GALNT17: variants seen among roughly 807,000 people sequenced by gnomAD.
GALNT17 encodes the protein UDP-GalNAc:polypeptide N-acetylgalactosaminyltransferase-like 3.
GALNT17 carries 29 observed loss-of-function variants against 63.7 expected under a neutral mutation model. The observed-to-expected ratio is 0.46, with a 90% CI of 0.34 to 0.62. GALNT17 has a LOEUF of 0.62. Ranked by LOEUF, GALNT17 falls within the 20% of genes least tolerant of loss-of-function variation. The probability of loss-of-function intolerance (pLI) is 0.01; values close to 1 mark genes in which losing one functional copy is unlikely to be tolerated. For synonymous variants in GALNT17, 305 were observed against 318.3 expected (o/e 0.96, Z 0.45); for missense variants, 603 against 799.6 (o/e 0.75, Z 2.97).
intron 1 of GALNT17, among the ~76,000 whole-genome samples, chr7:71,160,074 C>T (rs965930299): frequency 5.9e-5 from 9 of 152,054 alleles, no homozygotes; most frequent in South Asian, 2.1e-4. Flanking sequence ...TGTGAGCCAC[C>T]GTACCCAACC....
chr7:71,515,457 T>C (rs1276406659), intron 5 of GALNT17, among the ~76,000 whole-genome samples: 5 of 152,224 alleles, frequency 3.3e-5, no homozygotes, highest in African/African-American at 1.2e-4. Flanking sequence ...TGTCTTTTAC[T>C]TTCTCCTGAG....
intron 3 of GALNT17, among the ~76,000 whole-genome samples, chr7:71,408,627 G>A (rs920776805): frequency 1.3e-5 from 2 of 152,198 alleles, no homozygotes; most frequent in African/African-American, 4.8e-5. Context: ...GCTTTGGGAG[G>A]CCAAAGTGGG....
intron 6 of GALNT17, among the ~76,000 whole-genome samples, chr7:71,600,979 T>G (rs1054596828): frequency 6.6e-6 from 1 of 152,112 alleles, no homozygotes; most frequent in Non-Finnish European, 1.5e-5. Context: ...TCCTCAGAGC[T>G]TAGCTCCCAC....
At chr7:71,212,013 A>C (rs1054850574) in intron 1 of GALNT17, among the ~76,000 whole-genome samples, 2 of 152,230 alleles carry the variant, frequency 1.3e-5, no homozygotes, top group Non-Finnish European at 2.9e-5. Flanking sequence ...AAATTTGCAT[A>C]AGAAGCAAGG....
rs1235360405 is a variant in GALNT17, at chr7:71,603,545, A to G, written c.1080+32143A>G. On this transcript the variant is annotated intron_variant, in intron 6 of 10. Transcript: ENST00000333538. ...GAGTGCATATGCTGGATACCATGCT[A>G]AGTGCATACAGCAGGTACTGTGCTA... Among the ~76,000 whole-genome samples the G allele has an allele frequency of 2.0e-5, 3 of 152,022 alleles. No homozygotes were observed. The East Asian group carries it at 5.8e-4, about 29-fold the overall frequency.
At chr7:71,502,282 C>T (rs1017025508) in intron 5 of GALNT17, among the ~76,000 whole-genome samples, 1 of 152,210 alleles carries the variant, frequency 6.6e-6, no homozygotes, top group African/African-American at 2.4e-5. Flanking sequence ...TCCCATCTTT[C>T]ACAGTCTTGT....
At chr7:71,528,338 T>C (rs899323561) in intron 5 of GALNT17, among the ~76,000 whole-genome samples, 2 of 152,164 alleles carry the variant, frequency 1.3e-5, no homozygotes, top group African/African-American at 4.8e-5. Flanking sequence ...GCTCCAATTT[T>C]GTCATAATTA....
At chr7:71,594,855 T>C (rs1197125293) in intron 6 of GALNT17, among the ~76,000 whole-genome samples, 1 of 152,230 alleles carries the variant, frequency 6.6e-6, no homozygotes, top group African/African-American at 2.4e-5. Flanking sequence ...ATGGGTTGCA[T>C]TGTGTCCTGC....
At chr7:71,303,602 C>T (rs1436132416) in intron 1 of GALNT17, among the ~76,000 whole-genome samples, 2 of 152,078 alleles carry the variant, frequency 1.3e-5, no homozygotes, top group Non-Finnish European at 2.9e-5. Context: ...GTCAGATTCT[C>T]TTTTTTGTTT....
intron 1 of GALNT17, among the ~76,000 whole-genome samples, chr7:71,323,525 G>T (rs1791652974): frequency 6.6e-6 from 1 of 152,250 alleles, no homozygotes; most frequent in African/African-American, 2.4e-5. Flanking sequence ...ATAACCTTTG[G>T]ACATCATGTC....
At chr7:71,685,161 C>A (rs1033075037) in intron 9 of GALNT17, among the ~76,000 whole-genome samples, 1 of 152,042 alleles carries the variant, frequency 6.6e-6, no homozygotes, top group East Asian at 1.9e-4. Context: ...TGGAAAGACT[C>A]ATAGGAAGCA....
chr7:71,225,941 A>G (rs552392788), intron 1 of GALNT17, among the ~76,000 whole-genome samples: 1 of 152,368 alleles, frequency 6.6e-6, no homozygotes, highest in South Asian at 2.1e-4. Flanking sequence ...TAAGTAAAGT[A>G]TAATTGCATT....
intron 2 of GALNT17, among the ~76,000 whole-genome samples, chr7:71,383,746 T>A (rs535257833): frequency 8.5e-5 from 13 of 152,298 alleles, no homozygotes; most frequent in East Asian, 1.9e-4. Context: ...GTGTTTTTTT[T>A]ATCTTGATTT....
intron 1 of GALNT17, among the ~76,000 whole-genome samples, chr7:71,244,360 C>T (rs1005328908): frequency 7.2e-5 from 11 of 152,150 alleles, no homozygotes; most frequent in African/African-American, 9.7e-5. Context: ...AACACTGTAG[C>T]GTTTGGTTTC....
At position 71,311,087 on chromosome 7, in the gene GALNT17, T is replaced by C. The variant is rs542058275; in HGVS notation, c.239-24463T>C. On this transcript the variant is annotated intron_variant, in intron 1 of 10. Transcript: ENST00000333538. ...AGTCTCCATGGATATTATTTTTCTT[T>C]CCACTGACTTTATTTATAACCTGAG... is the stretch of plus-strand genomic sequence containing the variant. 4.6e-5 allele frequency among the ~76,000 whole-genome samples: 7 copies of C among 152,362 alleles called. No homozygotes were observed. The South Asian group carries it at 1.2e-3, about 27-fold the overall frequency.
chr7:71,529,789 C>T (rs187424164), intron 5 of GALNT17, among the ~76,000 whole-genome samples: 4 of 152,192 alleles, frequency 2.6e-5, no homozygotes, highest in African/African-American at 9.6e-5. Flanking sequence ...TGTTACTGCA[C>T]AACTAGGTAA....
chr7:71,318,993 G>A (rs1791551370), intron 1 of GALNT17, among the ~76,000 whole-genome samples: 1 of 152,090 alleles, frequency 6.6e-6, no homozygotes, highest in African/African-American at 2.4e-5. Context: ...GGCTGACCAG[G>A]GCTGACCAGG....
At chr7:71,707,240 CAACCCCAAACACGTTTTG>C (rs1791734224) in intron 9 of GALNT17, among the ~76,000 whole-genome samples, 1 of 152,034 alleles carries the variant, frequency 6.6e-6, no homozygotes, top group Admixed American at 6.5e-5. Flanking sequence ...GTTATGTGCT[CAACCCCAAACACGTTTTG>C]AGCACTTGGT....
intron 1 of GALNT17, among the ~76,000 whole-genome samples, chr7:71,294,677 A>C (rs1791045669): frequency 6.6e-6 from 1 of 152,034 alleles, no homozygotes; most frequent in Non-Finnish European, 1.5e-5. Context: ...GGCCTCCCAA[A>C]CTGCTGGGAT....
Sources: gnomAD v4.1 joint callset for allele counts (sites outside exome capture counted in the v4.1 genomes callset) on GRCh38, gnomAD v4.1.1 for gene constraint, MANE v1.5 for transcripts, NCBI Gene and HGNC (gene_info 2026-07-23, HGNC 2026-07-21) for gene names.